LIPC: variants seen among roughly 807,000 people sequenced by gnomAD.
LIPC encodes the protein lipase C, hepatic type.
Under a neutral mutation model 50.7 loss-of-function variants are expected in LIPC, and 44 were observed. The observed-to-expected ratio is 0.87, with a 90% confidence interval of 0.68 to 1.11. LIPC has a LOEUF of 1.11. Ranked by LOEUF, LIPC falls within the 50% of genes most tolerant of loss-of-function variation. The pLI is 0.00. For missense variants in LIPC, 697 were observed against 648.2 expected (o/e 1.08, Z -0.82); for synonymous variants, 271 against 256.4 (o/e 1.06, Z -0.54).
At chr15:58,550,027 A>T (rs529245242) in intron 6 of LIPC, among the ~76,000 whole-genome samples, 2 of 152,356 alleles carry the variant, frequency 1.3e-5, no homozygotes, top group African/African-American at 4.8e-5. Context: ...TGTTCGCATC[A>T]TGAGGAGCAG....
At chr15:58,565,786 C>T in intron 8 of LIPC, 1 of 986,158 alleles carries the variant, frequency 1.0e-6, no homozygotes. Context: ...CATATGTATG[C>T]ATCAAACCCA....
intron 1 of LIPC, among the ~76,000 whole-genome samples, chr15:58,525,035 T>C (rs1892761374): frequency 1.3e-5 from 2 of 152,192 alleles, no homozygotes; most frequent in Admixed American, 1.3e-4. Flanking sequence ...TTTTTTCTGG[T>C]CATTTTATGA....
chr15:58,504,807 G>T (rs1026696580), intron 1 of LIPC, among the ~76,000 whole-genome samples: 1 of 152,166 alleles, frequency 6.6e-6, no homozygotes, highest in South Asian at 2.1e-4. Flanking sequence ...CTCTAAGCAC[G>T]ACCCAGTGTG....
rs556887747 is a variant in LIPC at position 58,542,519 on chromosome 15, G to A, written c.457-15G>A. 1.2e-5 allele frequency: 19 copies of A among 1,554,772 alleles called. No individual in the cohort carries two copies. The highest frequency in any genetic ancestry group is 6.8e-5 in the African/African-American group (5 of 73,956). On this transcript the variant is annotated splice_polypyrimidine_tract_variant and intron_variant, in intron 3 of 8. Coordinates refer to ENST00000299022, the MANE Select transcript of LIPC (RefSeq NM_000236.3). ...GCAGCTCTTCTCCTGCCCCCATCCC[G>A]CTGCTGTCTTCCAGGAATCTGTGCA...
chr15:58,437,791 C>A (rs185787801), intron 1 of LIPC, among the ~76,000 whole-genome samples: 1 of 152,200 alleles, frequency 6.6e-6, no homozygotes, highest in African/African-American at 2.4e-5. Context: ...TCCAAGAGTG[C>A]GTACTATTCT....
chr15:58,522,155 A>G (rs1361253589), intron 1 of LIPC: 1 of 152,586 alleles, frequency 6.6e-6, no homozygotes. Flanking sequence ...CCACTGGTCC[A>G]TAGTGAGGAT....
At chr15:58,545,327 C>T (rs961033056) in intron 4 of LIPC, among the ~76,000 whole-genome samples, 1 of 152,080 alleles carries the variant, frequency 6.6e-6, no homozygotes, top group Non-Finnish European at 1.5e-5. Context: ...CTACCTCAAA[C>T]TCCTGGGCTC....
intron 1 of LIPC, among the ~76,000 whole-genome samples, chr15:58,462,920 A>C (rs1244704331): frequency 2.0e-5 from 3 of 152,230 alleles, no homozygotes; most frequent in Non-Finnish European, 4.4e-5. Flanking sequence ...CTTGGTGCTC[A>C]TTAGCACTGC....
chr15:58,498,886 G>A (rs1367744613), intron 1 of LIPC, among the ~76,000 whole-genome samples: 1 of 152,226 alleles, frequency 6.6e-6, no homozygotes, highest in African/African-American at 2.4e-5. Flanking sequence ...GTGCGTGCTT[G>A]GAAGAGATAC....
chr15:58,566,995 G>A (rs1402213925), intron 8 of LIPC, among the ~76,000 whole-genome samples: 3 of 151,840 alleles, frequency 2.0e-5, no homozygotes, highest in Non-Finnish European at 4.4e-5. Flanking sequence ...GCCAGACAAT[G>A]TTGTGGACAC....
intron 1 of LIPC, among the ~76,000 whole-genome samples, chr15:58,512,950 A>T (rs1892375018): frequency 6.6e-6 from 1 of 151,616 alleles, no homozygotes; most frequent in African/African-American, 2.4e-5. Context: ...GGCAAAACAC[A>T]AAGCATCAAC....
chr15:58,478,641 G>GAC (rs1891083064), intron 1 of LIPC, among the ~76,000 whole-genome samples: 1 of 152,182 alleles, frequency 6.6e-6, no homozygotes, highest in Non-Finnish European at 1.5e-5. Flanking sequence ...GGGAGGTTAT[G>GAC]CAAGTTACCC....
intron 1 of LIPC, among the ~76,000 whole-genome samples, chr15:58,452,809 A>G (rs1213008219): frequency 6.6e-6 from 1 of 152,106 alleles, no homozygotes; most frequent in Admixed American, 6.5e-5. Flanking sequence ...CCCCCATGGG[A>G]CTGGGAGCTG....
At chr15:58,486,367 A>G (rs1891377479) in intron 1 of LIPC, among the ~76,000 whole-genome samples, 1 of 152,180 alleles carries the variant, frequency 6.6e-6, no homozygotes, top group Non-Finnish European at 1.5e-5. Flanking sequence ...ATCCCATGCA[A>G]ACCAGGATGG....
At chr15:58,557,071 C>A (rs896542263) in intron 6 of LIPC, among the ~76,000 whole-genome samples, 1 of 152,138 alleles carries the variant, frequency 6.6e-6, no homozygotes, top group Non-Finnish European at 1.5e-5. Flanking sequence ...TAACTGAAAT[C>A]TCTTTCCACA....
chr15:58,467,353 G>C (rs528280569), intron 1 of LIPC, among the ~76,000 whole-genome samples: 1 of 152,274 alleles, frequency 6.6e-6, no homozygotes, highest in East Asian at 1.9e-4. Context: ...GTGTCTGTGA[G>C]CTCCTCAGAA....
chr15:58,520,202 C>T lies in LIPC; in HGVS notation c.89-18131C>T, dbSNP rs1892614674. 2.0e-5 allele frequency among the ~76,000 whole-genome samples: 3 copies of T among 150,790 alleles called. No homozygotes were observed. The South Asian group carries it at 6.3e-4, about 32-fold the overall frequency. On this transcript the variant is annotated intron_variant, in intron 1 of 8. Transcript: ENST00000299022. ...ATGTGTGTCAGCCATGGAAACCTTC[C>T]TACAAACAGAATCTCAAGCAGCAAA...
At chr15:58,535,298 G>A (rs1173918525) in intron 1 of LIPC, among the ~76,000 whole-genome samples, 1 of 152,196 alleles carries the variant, frequency 6.6e-6, no homozygotes, top group African/African-American at 2.4e-5. Flanking sequence ...CCTAGCCAGG[G>A]GGCCTGGGGC....
intron 8 of LIPC, chr15:58,566,199 A>G: frequency 1.0e-6 from 1 of 985,054 alleles, no homozygotes; most frequent in Non-Finnish European, 1.2e-6. Context: ...GCATTACACA[A>G]CCCGGGAAGT....
Sources: allele counts gnomAD v4.1 joint callset (sites outside exome capture counted in the v4.1 genomes callset), GRCh38; gene constraint gnomAD v4.1.1; transcripts MANE v1.5; gene names NCBI Gene and HGNC (gene_info 2026-07-23, HGNC 2026-07-21).